PRKACB: variants seen among roughly 807,000 people sequenced by gnomAD.
The protein encoded by PRKACB is protein kinase cAMP-activated catalytic subunit beta, also known as cAMP-dependent protein kinase catalytic subunit beta.
PRKACB carries 16 observed loss-of-function variants against 51.4 expected under a neutral mutation model. That is an observed-to-expected ratio of 0.31 (90% CI 0.21 to 0.47). The LOEUF (loss-of-function observed/expected upper bound fraction) is 0.47, where lower values mean the gene tolerates loss of function less well. Among genes scored for constraint, PRKACB ranks in the 20% least tolerant of loss-of-function variants. The pLI is 1.00. For synonymous variants in PRKACB, 147 were observed against 154.4 expected (o/e 0.95, Z 0.35); for missense variants, 309 against 464.5 (o/e 0.67, Z 3.08).
At chr1:84,182,498 A>G (rs1663829099) in intron 3 of PRKACB, among the ~76,000 whole-genome samples, 170 bp downstream of exon 3, 1 of 152,036 alleles carries the variant, frequency 6.6e-6, no homozygotes, top group African/African-American at 2.4e-5. Context: ...ATACATAGTT[A>G]GTATACAGTC....
At position 84,182,194 on chromosome 1, in the gene PRKACB, A is replaced by C; in HGVS notation, c.250-6A>C. 1.3e-6 allele frequency: 2 copies of C among 1,531,116 alleles called. No homozygotes were observed. The allele number at this position is 1,531,116 out of a possible 1,614,324, so 94.8% of individuals were successfully genotyped here. A position where few individuals can be genotyped will look rare whatever the true frequency, so the allele number is the denominator to read the frequency against. Reference sequence around the variant, plus strand: ...TTTTAAATTTTATTTATGTATTTACATATAGAATAATGCCGGACTTGAAGA... The same window carrying C: ...TTTTAAATTTTATTTATGTATTTACCTATAGAATAATGCCGGACTTGAAGA... On this transcript the variant is annotated splice_polypyrimidine_tract_variant and splice_region_variant and intron_variant, in intron 2 of 9. Coordinates refer to ENST00000370685, the MANE Select transcript of PRKACB (RefSeq NM_182948.4).
intron 1 of PRKACB, among the ~76,000 whole-genome samples, chr1:84,086,712 TC>T (rs1418725633): frequency 1.3e-5 from 2 of 152,200 alleles, no homozygotes; most frequent in Non-Finnish European, 2.9e-5. Flanking sequence ...TCATCCCACC[TC>T]CTACTGTGAA....
At chr1:84,228,306 T>C (rs771470953) in intron 9 of PRKACB, among the ~76,000 whole-genome samples, 44 of 152,218 alleles carry the variant, frequency 2.9e-4, no homozygotes, top group Non-Finnish European at 5.4e-4. Flanking sequence ...TTAAAAACCC[T>C]TGGAGAGCTC....
intron 1 of PRKACB, among the ~76,000 whole-genome samples, chr1:84,122,117 G>GA (rs1651135795): frequency 6.6e-6 from 1 of 152,066 alleles, no homozygotes; most frequent in African/African-American, 2.4e-5. Context: ...CTCCTGCCCT[G>GA]AATGTGTTGC....
At chr1:84,153,972 T>C (rs1413573909) in intron 1 of PRKACB, among the ~76,000 whole-genome samples, 1 of 152,190 alleles carries the variant, frequency 6.6e-6, no homozygotes, top group Non-Finnish European at 1.5e-5. Context: ...GCTGTACTAA[T>C]GTATATTCTC....
At chr1:84,136,225 G>C (rs1032935652) in intron 1 of PRKACB, among the ~76,000 whole-genome samples, 1 of 151,840 alleles carries the variant, frequency 6.6e-6, no homozygotes, top group African/African-American at 2.4e-5. Context: ...TTTAAAAATT[G>C]AATCGATTAT....
At chr1:84,118,059 C>A (rs538236273) in intron 1 of PRKACB, among the ~76,000 whole-genome samples, 2 of 152,308 alleles carry the variant, frequency 1.3e-5, no homozygotes, top group Non-Finnish European at 2.9e-5. Flanking sequence ...AAGTCACCAA[C>A]CATGCTAGTT....
At chr1:84,206,076 CA>C (rs1300276833) in intron 8 of PRKACB, among the ~76,000 whole-genome samples, 1 of 152,016 alleles carries the variant, frequency 6.6e-6, no homozygotes, top group East Asian at 1.9e-4. Flanking sequence ...ATATTGCAGT[CA>C]AAAATTATAC....
At chr1:84,165,106 C>T in intron 1 of PRKACB, 2 of 1,013,816 alleles carry the variant, frequency 2.0e-6, no homozygotes, top group Non-Finnish European at 2.8e-6. Context: ...TATAAAGCCA[C>T]AGCTACTGTG....
intron 1 of PRKACB, among the ~76,000 whole-genome samples, chr1:84,137,439 G>A (rs115893965): frequency 1.3e-3 from 195 of 152,238 alleles, no homozygotes; most frequent in African/African-American, 4.5e-3. Flanking sequence ...TGGATACATG[G>A]CATTATGCAT....
At chr1:84,221,414 T>G (rs1673701903) in intron 9 of PRKACB, among the ~76,000 whole-genome samples, 2 of 152,146 alleles carry the variant, frequency 1.3e-5, no homozygotes, top group East Asian at 3.9e-4. Context: ...TTTATGATCC[T>G]TTGTATGTTT....
intron 1 of PRKACB, 75 bp downstream of exon 1, chr1:84,144,623 AAGAACCCTCT>A: frequency 7.2e-7 from 1 of 1,397,804 alleles, no homozygotes; most frequent in South Asian, 1.3e-5. Flanking sequence ...ATCAAACATA[AAGAACCCTCT>A]TTTGTTTGTT....
chr1:84,142,673 T>C (rs1460116315), upstream of PRKACB, among the ~76,000 whole-genome samples: 2 of 152,242 alleles, frequency 1.3e-5, no homozygotes, highest in Admixed American at 6.5e-5. Context: ...TTTTGTTAAC[T>C]GTTATTCACA....
intron 5 of PRKACB, among the ~76,000 whole-genome samples, chr1:84,185,631 C>G (rs1209720027): frequency 6.6e-6 from 1 of 151,762 alleles, no homozygotes; most frequent in Non-Finnish European, 1.5e-5. Context: ...ATTTAATTCT[C>G]CTTAAAGTTC....
intron 1 of PRKACB, among the ~76,000 whole-genome samples, chr1:84,108,426 C>T (rs1293108603): frequency 1.3e-5 from 2 of 151,898 alleles, no homozygotes; most frequent in Non-Finnish European, 2.9e-5. Flanking sequence ...GTATGCCAAA[C>T]CCCTGAGTCA....
At chr1:84,217,749 T>G (rs1673085132) in intron 9 of PRKACB, among the ~76,000 whole-genome samples, 2 of 152,118 alleles carry the variant, frequency 1.3e-5, no homozygotes, top group South Asian at 4.1e-4. Flanking sequence ...GCCATGATCA[T>G]GCCACTGCAC....
chr1:84,116,157 G>A (rs561149649), intron 1 of PRKACB, among the ~76,000 whole-genome samples: 46 of 151,954 alleles, frequency 3.0e-4, no homozygotes, highest in African/African-American at 9.9e-4. Context: ...TCAATTGGCT[G>A]TAAATATGTG....
intron 1 of PRKACB, chr1:84,164,260 C>T (rs1656699614): frequency 2.8e-6 from 4 of 1,453,550 alleles, no homozygotes; most frequent in South Asian, 1.5e-5. Flanking sequence ...AAGCTATCAG[C>T]GATCTCGGCA....
At chr1:84,197,187 G>A (rs1462327749) in intron 6 of PRKACB, among the ~76,000 whole-genome samples, 1 of 152,146 alleles carries the variant, frequency 6.6e-6, no homozygotes, top group Admixed American at 6.5e-5. Flanking sequence ...TGATCCCAGA[G>A]TCCATGCCCT....
Sources: gnomAD v4.1 joint callset for allele counts (sites outside exome capture counted in the v4.1 genomes callset) on GRCh38, gnomAD v4.1.1 for gene constraint, MANE v1.5 for transcripts, NCBI Gene and HGNC (gene_info 2026-07-23, HGNC 2026-07-21) for gene names.